The following GALNT9 variants were observed in gnomAD, a reference collection of about 807,000 sequenced individuals.
GALNT9 encodes the protein polypeptide N-acetylgalactosaminyltransferase 9.
GALNT9 carries 47 observed loss-of-function variants against 63.1 expected under a neutral mutation model. The observed-to-expected ratio is 0.75, with a 90% CI of 0.59 to 0.95. The LOEUF is 0.95. Ranked by LOEUF, GALNT9 falls within the 40% of genes least tolerant of loss-of-function variation. The pLI, the probability that GALNT9 is intolerant of heterozygous loss-of-function variation, is 0.00. For missense variants in GALNT9, 829 were observed against 874.8 expected (o/e 0.95, Z 0.66); for synonymous variants, 396 against 365.7 (o/e 1.08, Z -0.94).
chr12:132,318,198 A>G (rs1285883071), intron 1 of GALNT9, among the ~76,000 whole-genome samples: 1 of 152,164 alleles, frequency 6.6e-6, no homozygotes, highest in African/African-American at 2.4e-5. Context: ...GCCTCGAAAA[A>G]ATTAAAAAAA....
intron 2 of GALNT9, among the ~76,000 whole-genome samples, chr12:132,270,563 C>T (rs1879827312): frequency 6.6e-6 from 1 of 152,362 alleles, no homozygotes; most frequent in Middle Eastern, 3.4e-3. Context: ...TCAATAGGAA[C>T]TCAATTTGAC....
intron 9 of GALNT9, among the ~76,000 whole-genome samples, chr12:132,198,866 G>T (rs1341044387): frequency 6.6e-6 from 1 of 152,140 alleles, no homozygotes. Flanking sequence ...TGCCCAGACT[G>T]GTCTCAATTC....
Position 132,238,384 on chromosome 12 carries a change from C to T in GALNT9, c.1077+9526G>A, listed in dbSNP as rs1007004074. Among the ~76,000 whole-genome samples, 29 of 152,008 alleles carry T rather than the reference C, an allele frequency of 1.9e-4. No individual in the cohort carries two copies. Among genetic ancestry groups the T allele is most frequent in the African/African-American group, 7.0e-4 (29 of 41,376 alleles). ...GCCGGGCAGGGGGACGTGGAGACGGCGCACTCATAACCCTACTACGGCTTC... is the reference window on the plus strand; with the variant it reads ...GCCGGGCAGGGGGACGTGGAGACGGTGCACTCATAACCCTACTACGGCTTC... On this transcript the variant is annotated intron_variant, in intron 6 of 10. Transcript: ENST00000328957. This position sits in a 1 kb window ranked among gnomAD's most constrained non-coding sequence, Gnocchi z 6.5.
rs56098065 is a variant in GALNT9 at position 132,282,248 on chromosome 12, A to G, written c.419+4002T>C. ...GCAGCAAGGCCAGGCCTGGGGTCCC[A>G]CATCCCACAGAGGGGGAATCAGCTC... On this transcript the variant is annotated intron_variant, in intron 2 of 10. Coordinates refer to ENST00000328957, the MANE Select transcript of GALNT9 (RefSeq NM_001122636.2). This position sits in a 1 kb window ranked among gnomAD's most constrained non-coding sequence, Gnocchi z 4.5. Among the ~76,000 whole-genome samples, 2 of 132,144 alleles carry G rather than the reference A, an allele frequency of 1.5e-5. No individual in the cohort carries two copies. The highest frequency in any genetic ancestry group is 1.5e-4 in the Admixed American group (2 of 13,630). 86.7% of individuals were successfully genotyped at this position (132,144 alleles called of 152,430 possible).
chr12:132,215,275 C>T (rs555476711), intron 6 of GALNT9, among the ~76,000 whole-genome samples: 4 of 152,380 alleles, frequency 2.6e-5, no homozygotes, highest in African/African-American at 9.6e-5. Context: ...AGTACTTCCT[C>T]GCACACCGAG....
At chr12:132,323,938 G>T (rs1364007357) in intron 1 of GALNT9, among the ~76,000 whole-genome samples, 1 of 152,080 alleles carries the variant, frequency 6.6e-6, no homozygotes, top group Non-Finnish European at 1.5e-5. Context: ...TCCCGGCCAC[G>T]GCCACTCCGG....
chr12:132,268,963 A>G (rs1239646127), intron 2 of GALNT9, among the ~76,000 whole-genome samples: 1 of 152,130 alleles, frequency 6.6e-6, no homozygotes, highest in Non-Finnish European at 1.5e-5. Flanking sequence ...TTGGAAAACA[A>G]TCTGGCCATT....
intron 1 of GALNT9, among the ~76,000 whole-genome samples, chr12:132,306,186 G>A (rs1226787079): frequency 1.3e-5 from 2 of 152,252 alleles, no homozygotes; most frequent in Non-Finnish European, 2.9e-5. Context: ...CGTTGGAAGC[G>A]GCTGTCCGCA....
Position 132,247,981 on chromosome 12 carries a change from A to G in GALNT9, c.1006T>C (p.Phe336Leu), listed in dbSNP as rs1878780188. ...GCSFVVDREY[F>L]GDIGLLDPGM... ...GGGTCCAGCAGCCCAATGTCTCCGA[A>G]GTACTCGCGGTCCACTACGAAGGAG... Residue 336 changes from phenylalanine (F) to leucine (L), a missense_variant, in exon 6 of 11, where the codon TTC becomes CTC. Phe to Leu is a conservative substitution (Grantham distance 22). Coordinates refer to ENST00000328957, the MANE Select transcript of GALNT9 (RefSeq NM_001122636.2). 1 of 1,551,396 alleles carries G rather than the reference A, an allele frequency of 6.4e-7. No homozygotes were observed. The highest frequency in any genetic ancestry group is 1.4e-5 in the African/African-American group (1 of 73,064).
At chr12:132,206,108 G>GT (rs951048963) in intron 6 of GALNT9, 6 of 152,374 alleles carry the variant, frequency 3.9e-5, no homozygotes, top group African/African-American at 1.4e-4. Flanking sequence ...CGGTGACTCG[G>GT]TCCCCCCACC....
chr12:132,247,729 C>A (rs2135534625), intron 6 of GALNT9, 181 bp downstream of exon 6: 1 of 1,048,470 alleles, frequency 9.5e-7, no homozygotes, highest in Non-Finnish European at 1.4e-6. Context: ...GCCTCACTCG[C>A]CCTCACCCCG....
At chr12:132,203,811 C>T (rs575737519) in intron 6 of GALNT9, 121 bp from the exon 7 acceptor site, 54 of 1,065,988 alleles carry the variant, frequency 5.1e-5, no homozygotes, top group African/African-American at 2.9e-4. Context: ...CCCCCACCAC[C>T]GACGGGCCTG....
Position 132,225,833 on chromosome 12 carries a change from C to T in GALNT9, c.1077+22077G>A, listed in dbSNP as rs1268706336. ...CACTGTACATGCATACCCTCACACACACCACACAACCCACACCCCACACAC... is the reference window on the plus strand; with the variant it reads ...CACTGTACATGCATACCCTCACACATACCACACAACCCACACCCCACACAC... On this transcript the variant is annotated intron_variant, in intron 6 of 10. Coordinates refer to ENST00000328957, the MANE Select transcript of GALNT9 (RefSeq NM_001122636.2). Among the ~76,000 whole-genome samples the T allele has an allele frequency of 1.9e-3, 266 of 140,040 alleles. 1 individual carries two copies. The highest frequency in any genetic ancestry group is 4.1e-3 in the East Asian group (18 of 4,402). 91.9% of individuals were successfully genotyped at this position (140,040 alleles called of 152,430 possible).
At chr12:132,204,514 G>A (rs962688135) in intron 6 of GALNT9, among the ~76,000 whole-genome samples, 2 of 152,140 alleles carry the variant, frequency 1.3e-5, no homozygotes, top group South Asian at 2.1e-4. Context: ...CACTCTGCTC[G>A]ATTCGGGCTG....
chr12:132,222,478 T>C (rs1877487382), intron 6 of GALNT9, among the ~76,000 whole-genome samples: 1 of 152,022 alleles, frequency 6.6e-6, no homozygotes, highest in African/African-American at 2.4e-5. Context: ...CACCATAAAA[T>C]GAAGCCAGAC....
chr12:132,303,859 G>A (rs868939161), intron 1 of GALNT9, among the ~76,000 whole-genome samples: 4 of 22,906 alleles, frequency 1.7e-4, no homozygotes, highest in South Asian at 3.1e-3. Context: ...ACACACCCTC[G>A]CCCAGACACA....
At chr12:132,307,558 A>C (rs1369230294) in intron 1 of GALNT9, among the ~76,000 whole-genome samples, 1 of 152,006 alleles carries the variant, frequency 6.6e-6, no homozygotes, top group Non-Finnish European at 1.5e-5. Flanking sequence ...AGCGGGCCGG[A>C]CACAGTGGCT....
chr12:132,208,029 C>A (rs1008265197), intron 6 of GALNT9, among the ~76,000 whole-genome samples: 1 of 152,164 alleles, frequency 6.6e-6, no homozygotes, highest in African/African-American at 2.4e-5. Context: ...ATTTTGAAGC[C>A]AGGGACCAGT....
intron 7 of GALNT9, 88 bp from the exon 8 acceptor site, chr12:132,201,349 C>T (rs971358739): frequency 2.3e-6 from 2 of 855,914 alleles, no homozygotes; most frequent in Non-Finnish European, 3.8e-6. Flanking sequence ...CTCCAGGGAC[C>T]AAGTGCCCTC....
Sources: allele counts gnomAD v4.1 joint callset (sites outside exome capture counted in the v4.1 genomes callset), GRCh38; gene constraint gnomAD v4.1.1; non-coding constraint Gnocchi (gnomAD v3.1); transcripts MANE v1.5; gene names NCBI Gene and HGNC (gene_info 2026-07-23, HGNC 2026-07-21).